Variants in ABCE1 observed in about 807,000 individuals in gnomAD.
ABCE1 encodes the protein ATP-binding cassette sub-family E member 1.
Under a neutral mutation model 83.4 loss-of-function variants are expected in ABCE1, and 22 were observed. That is an observed-to-expected ratio of 0.26 (90% CI 0.19 to 0.38). The LOEUF (loss-of-function observed/expected upper bound fraction) is 0.38, where lower values mean the gene tolerates loss of function less well. Among genes scored for constraint, ABCE1 ranks in the 10% least tolerant of loss-of-function variants. ABCE1 has a pLI of 1.00. For missense variants in ABCE1, 330 were observed against 721.9 expected (o/e 0.46, Z 6.22); for synonymous variants, 204 against 233.7 (o/e 0.87, Z 1.16).
chr4:145,105,231 C>T (rs1158069469), intron 2 of ABCE1, among the ~76,000 whole-genome samples: 2 of 152,002 alleles, frequency 1.3e-5, no homozygotes, highest in African/African-American at 4.8e-5. Context: ...TCGTTTAATG[C>T]TCTGCCTTAC....
chr4:145,110,443 T>A lies in ABCE1; in HGVS notation c.612T>A (p.Leu204=), dbSNP rs753068862. ...CACAGGCAATTGTATGTCAGCAGCT[T>A]GGTAAGTGTTTATTTTTTGTTTGTG... ...TKTQAIVCQQ[L]DLTHLKERNV... Residue 204 remains leucine, a splice_region_variant and synonymous_variant, in exon 7 of 18, where the codon CTT becomes CTA. Coordinates refer to ENST00000296577, the MANE Select transcript of ABCE1 (RefSeq NM_002940.3). The A allele has an allele frequency of 3.7e-6, 6 of 1,611,426 alleles. No homozygotes were observed. The South Asian group carries it at 5.5e-5, about 15-fold the overall frequency.
chr4:145,102,373 T>C (rs1463970944), intron 1 of ABCE1, among the ~76,000 whole-genome samples: 1 of 152,140 alleles, frequency 6.6e-6, no homozygotes, highest in Non-Finnish European at 1.5e-5. Context: ...ATAGAATGCC[T>C]GAATGCTGAT....
At chr4:145,099,418 A>G (rs933980732) in intron 1 of ABCE1, among the ~76,000 whole-genome samples, 3 of 152,224 alleles carry the variant, frequency 2.0e-5, no homozygotes, top group Non-Finnish European at 4.4e-5. Context: ...ATTGTATACC[A>G]GCCACCTGAC....
intron 1 of ABCE1, 124 bp from the exon 2 acceptor site, chr4:145,104,262 A>ATT: frequency 3.2e-5 from 12 of 371,696 alleles, no homozygotes; most frequent in South Asian, 9.6e-5. Flanking sequence ...CAAAATTTAT[A>ATT]TTTTTTTTTT....
intron 1 of ABCE1, among the ~76,000 whole-genome samples, chr4:145,100,604 C>A (rs1364750542): frequency 1.3e-5 from 2 of 152,270 alleles, no homozygotes; most frequent in East Asian, 3.9e-4. Context: ...CGAATAATAG[C>A]TTTTTTGTGA....
chr4:145,122,895 C>A, intron 13 of ABCE1, 126 bp from the exon 14 acceptor site: 1 of 614,612 alleles, frequency 1.6e-6, no homozygotes, highest in Non-Finnish European at 2.8e-6. Context: ...GGTGGATACA[C>A]ATTGATATCT....
chr4:145,106,841 AGTTTTG>A (rs1344694311), intron 3 of ABCE1, among the ~76,000 whole-genome samples: 1 of 152,146 alleles, frequency 6.6e-6, no homozygotes, highest in African/African-American at 2.4e-5. Flanking sequence ...AAAACTTAAT[AGTTTTG>A]GTTAGAGGGT....
intron 14 of ABCE1, 34 bp downstream of exon 14, chr4:145,123,165 A>T: frequency 6.3e-7 from 1 of 1,583,426 alleles, no homozygotes. Flanking sequence ...TTTTTTTATT[A>T]TTTTGAATTT....
chr4:145,119,872 A>G (rs967894350), intron 10 of ABCE1, 60 bp from the exon 11 acceptor site: 4 of 1,298,654 alleles, frequency 3.1e-6, no homozygotes, highest in Non-Finnish European at 4.4e-6. Flanking sequence ...ATTGCTCCCA[A>G]GAGAGCTTAG....
Position 145,128,154 on chromosome 4 carries a change from T to TTTTTAATCTTTTTTGGTGC in ABCE1, c.*588_*606dup, listed in dbSNP as rs1749944173. ...TGGAAAAATAGGTATTTTTAAATTGTTTTTAATCTTTTTTGGTGCTTTTAA... is the reference window on the plus strand; with the variant it reads ...TGGAAAAATAGGTATTTTTAAATTGTTTTTAATCTTTTTTGGTGCTTTTAATCTTTTTTGGTGCTTTTAA... On this transcript the variant is annotated 3_prime_UTR_variant, in exon 18 of 18. Coordinates refer to ENST00000296577, the MANE Select transcript of ABCE1 (RefSeq NM_002940.3). The TTTTTAATCTTTTTTGGTGC allele has an allele frequency of 6.6e-6, 1 of 152,606 alleles. No homozygotes were observed. Among genetic ancestry groups the TTTTTAATCTTTTTTGGTGC allele is most frequent in the Non-Finnish European group, 1.5e-5 (1 of 68,018 alleles). 9.5% of individuals were successfully genotyped at this position (152,606 alleles called of 1,614,324 possible).
rs1749456656 is a variant in ABCE1, at chr4:145,111,073, C to CATAAAAAAAAA, written c.710+9_710+10insATAAAAAAAAA. ...ATACAGAAAGCTGATATGTAGGTTA[C>CATAAAAAAAAA]TTTACAATTTTTGTTTATCTTCATC... On this transcript the variant is annotated intron_variant, in intron 8 of 17. Coordinates refer to ENST00000296577, the MANE Select transcript of ABCE1 (RefSeq NM_002940.3). 1 of 1,598,254 alleles carries CATAAAAAAAAA rather than the reference C, an allele frequency of 6.3e-7. No individual in the cohort carries two copies. The highest frequency in any genetic ancestry group is 1.7e-5 in the Admixed American group (1 of 58,052).
Position 145,123,232 on chromosome 4 carries a change from T to G in ABCE1, c.1392T>G (p.Gly464=). ...IIDQEVQTLS[G]GELQRVALAL... Reference sequence around the variant, plus strand: ...CCAATTAGGTGCAGACATTATCTGGTGGTGAACTACAGCGAGTAGCTTTAG... The same window carrying G: ...CCAATTAGGTGCAGACATTATCTGGGGGTGAACTACAGCGAGTAGCTTTAG... The change falls in exon 15 of 18, where the codon GGT becomes GGG. Residue 464 remains glycine, a synonymous_variant. Coordinates refer to ENST00000296577, the MANE Select transcript of ABCE1 (RefSeq NM_002940.3). The G allele has an allele frequency of 6.2e-7, 1 of 1,607,052 alleles. No individual in the cohort carries two copies. The highest frequency in any genetic ancestry group is 1.3e-5 in the African/African-American group (1 of 74,598).
chr4:145,119,855 T>A (rs563202418), intron 10 of ABCE1, 77 bp from the exon 11 acceptor site: 5 of 1,011,888 alleles, frequency 4.9e-6, no homozygotes, highest in Admixed American at 2.2e-5. Flanking sequence ...AAGTATATAG[T>A]CTATAGATTG....
In ABCE1 at chr4:145,119,924, C is replaced by A; in HGVS notation, c.923-8C>A. 1 of 1,605,570 alleles carries A rather than the reference C, an allele frequency of 6.2e-7. No individual in the cohort carries two copies. Among genetic ancestry groups the A allele is most frequent in the Non-Finnish European group, 8.5e-7 (1 of 1,174,612 alleles). On this transcript the variant is annotated splice_region_variant and splice_polypyrimidine_tract_variant and intron_variant, in intron 10 of 17. Transcript: ENST00000296577. ...ATTTCTCCCGGTTGACAATTTTCTT[C>A]CCAACAGGCATAAACATTTTTTTGG... is the stretch of plus-strand genomic sequence containing the variant.
chr4:145,101,658 A>T (rs1422029632), intron 1 of ABCE1, among the ~76,000 whole-genome samples: 1 of 152,186 alleles, frequency 6.6e-6, no homozygotes, highest in Admixed American at 6.5e-5. Flanking sequence ...AACTCATGAG[A>T]TCAGATTCTG....
At position 145,120,106 on chromosome 4, in the gene ABCE1, C is replaced by A. The variant is rs1749702406; in HGVS notation, c.1097C>A (p.Ala366Asp). ...GGAGAATTTGAGCTAGCAATTGTAG[C>A]TGGAGAGTTTACAGATTCTGAAATT... is the stretch of plus-strand genomic sequence containing the variant. ...KMGEFELAIVAGEFTDSEIMV... is the reference protein window; with the variant it reads ...KMGEFELAIVDGEFTDSEIMV... The change falls in exon 11 of 18, where the codon GCT becomes GAT. Residue 366 changes from alanine (A) to aspartate (D), a missense_variant. Ala to Asp is a moderately radical substitution (Grantham distance 126). Coordinates refer to ENST00000296577, the MANE Select transcript of ABCE1 (RefSeq NM_002940.3). 6.2e-7 allele frequency: 1 copy of A among 1,611,152 alleles called. No homozygotes were observed. Among genetic ancestry groups the A allele is most frequent in the Non-Finnish European group, 8.5e-7 (1 of 1,179,056 alleles).
intron 13 of ABCE1, chr4:145,122,811 GAAAA>G: frequency 2.6e-6 from 1 of 388,772 alleles, no homozygotes; most frequent in South Asian, 4.7e-5. Context: ...TGTCTCAAAA[GAAAA>G]AAAAAAATTC....
intron 10 of ABCE1, 41 bp downstream of exon 10, chr4:145,117,455 C>T (rs1360065944): frequency 6.3e-7 from 1 of 1,590,720 alleles, no homozygotes; most frequent in Non-Finnish European, 8.6e-7. Flanking sequence ...GTATTCTCTT[C>T]TACTCTAATG....
chr4:145,110,895 G>T (rs1395684342), intron 7 of ABCE1, 73 bp from the exon 8 acceptor site: 2 of 930,774 alleles, frequency 2.1e-6, no homozygotes, highest in African/African-American at 3.4e-5. Flanking sequence ...AACTTCAAAT[G>T]ATGACATGCA....
Sources: gnomAD v4.1 joint callset for allele counts (sites outside exome capture counted in the v4.1 genomes callset) on GRCh38, gnomAD v4.1.1 for gene constraint, MANE v1.5 for transcripts, NCBI Gene and HGNC (gene_info 2026-07-23, HGNC 2026-07-21) for gene names.